The following FBXO11 variants were observed in gnomAD, a reference collection of about 807,000 sequenced individuals.
The protein encoded by FBXO11 is F-box only protein 11.
A neutral mutation model predicts 117.0 loss-of-function variants in FBXO11; 13 were observed. That is an observed-to-expected ratio of 0.11 (90% confidence interval 0.07 to 0.18). FBXO11 has a LOEUF of 0.18. FBXO11 is among the 10% of genes least tolerant of loss of function. The pLI is 1.00. For synonymous variants in FBXO11, 490 were observed against 380.5 expected (o/e 1.29, Z -3.35); for missense variants, 767 against 1,164.4 (o/e 0.66, Z 4.97).
intron 1 of FBXO11, among the ~76,000 whole-genome samples, chr2:47,844,825 A>G (rs980399430): frequency 6.6e-6 from 1 of 152,102 alleles, no homozygotes; most frequent in African/African-American, 2.4e-5. Context: ...CTGTAGAGAC[A>G]TGGTTTTGCC....
chr2:47,904,028 C>G (rs1483522737), intron 1 of FBXO11, among the ~76,000 whole-genome samples: 1 of 152,238 alleles, frequency 6.6e-6, no homozygotes, highest in Non-Finnish European at 1.5e-5. Flanking sequence ...ACTGCTTTCT[C>G]TAAGACTACC....
chr2:47,849,955 G>C (rs891867512), intron 1 of FBXO11, among the ~76,000 whole-genome samples: 4 of 152,168 alleles, frequency 2.6e-5, no homozygotes, highest in Non-Finnish European at 5.9e-5. Flanking sequence ...AAAAAGAACA[G>C]TAATGTGTTC....
chr2:47,883,451 CA>C (rs1676584209), intron 1 of FBXO11: 3 of 402,466 alleles, frequency 7.5e-6, no homozygotes, highest in African/African-American at 2.0e-5. Flanking sequence ...GAGCCGCCAC[CA>C]AAATGCAGAT....
At chr2:47,850,191 A>C (rs1673750391) in intron 1 of FBXO11, among the ~76,000 whole-genome samples, 1 of 152,194 alleles carries the variant, frequency 6.6e-6, no homozygotes, top group Admixed American at 6.5e-5. Flanking sequence ...GTTGGAACCA[A>C]ATTAATACTG....
intron 1 of FBXO11, among the ~76,000 whole-genome samples, chr2:47,861,318 C>CTTT (rs869265850): frequency 3.0e-5 from 4 of 132,626 alleles, no homozygotes; most frequent in Non-Finnish European, 3.3e-5. Context: ...ATAGTCTGAC[C>CTTT]TTTTTTTTTT....
At chr2:47,849,972 T>G (rs1673732071) in intron 1 of FBXO11, among the ~76,000 whole-genome samples, 1 of 152,220 alleles carries the variant, frequency 6.6e-6, no homozygotes, top group Non-Finnish European at 1.5e-5. Flanking sequence ...GTTCTGATTT[T>G]GGTTTTAGGA....
chr2:47,902,704 CAT>C (rs1678388972), intron 1 of FBXO11, among the ~76,000 whole-genome samples: 1 of 152,050 alleles, frequency 6.6e-6, no homozygotes, highest in Admixed American at 6.6e-5. Flanking sequence ...TGCCTGAAAA[CAT>C]ATTATACTGT....
intron 19 of FBXO11, 73 bp from the exon 20 acceptor site, chr2:47,809,780 A>T: frequency 1.1e-6 from 1 of 915,922 alleles, no homozygotes; most frequent in South Asian, 1.4e-5. Flanking sequence ...TTAGCAAGCA[A>T]ATGTAAACTG....
chr2:47,862,079 A>AT (rs751015356), intron 1 of FBXO11, among the ~76,000 whole-genome samples: 1 of 151,652 alleles, frequency 6.6e-6, no homozygotes, highest in African/African-American at 2.4e-5. Context: ...TGCCTGGCTA[A>AT]TTTTTTTTAT....
chr2:47,847,722 A>C (rs1673527782), intron 1 of FBXO11, among the ~76,000 whole-genome samples: 1 of 151,834 alleles, frequency 6.6e-6, no homozygotes, highest in African/African-American at 2.4e-5. Context: ...AAATAAACAA[A>C]ATATGGTATC....
intron 1 of FBXO11, among the ~76,000 whole-genome samples, chr2:47,884,838 C>T (rs1055197040): frequency 6.6e-6 from 1 of 152,178 alleles, no homozygotes; most frequent in African/African-American, 2.4e-5. Flanking sequence ...CAATTACTAA[C>T]TCTTGTGAAT....
chr2:47,888,494 G>A (rs189730130), intron 1 of FBXO11: 1 of 161,058 alleles, frequency 6.2e-6, no homozygotes. Flanking sequence ...TTTACCAGAT[G>A]TTCTTTATGT....
intron 1 of FBXO11, among the ~76,000 whole-genome samples, chr2:47,894,225 A>T (rs568716810): frequency 5.1e-4 from 77 of 151,926 alleles, no homozygotes; most frequent in African/African-American, 1.7e-3. Context: ...CAGGAACGGA[A>T]AGGTCCAGTC....
chr2:47,883,045 G>A (rs958834899), intron 1 of FBXO11, among the ~76,000 whole-genome samples: 1 of 152,026 alleles, frequency 6.6e-6, no homozygotes, highest in Non-Finnish European at 1.5e-5. Flanking sequence ...TACCATTCCT[G>A]CTTTGTAATC....
In FBXO11 at chr2:47,822,258, A is replaced by G. The variant is rs371424073; in HGVS notation, c.1662T>C (p.Phe554=). The change falls in exon 13 of 23, where the codon TTT becomes TTC. Residue 554 remains phenylalanine (F), a synonymous_variant. Coordinates refer to ENST00000403359, the MANE Select transcript of FBXO11 (RefSeq NM_001190274.2). ...FNGNQGGVYI[F]GDGRGLIEGN... is the part of the protein sequence containing the mutation. ...CTTCAATAAGGCCTCGTCCATCACC[A>G]AAGATGTAAACTCCTCCTTGATTTC... 1.9e-6 allele frequency: 3 copies of G among 1,601,932 alleles called. No individual in the cohort carries two copies. Among genetic ancestry groups the G allele is most frequent in the African/African-American group, 2.7e-5 (2 of 74,236 alleles).
At chr2:47,840,189 C>T (rs1426365532) in intron 1 of FBXO11, among the ~76,000 whole-genome samples, 5 of 151,904 alleles carry the variant, frequency 3.3e-5, no homozygotes, top group Non-Finnish European at 7.4e-5. Context: ...GTGATCCACT[C>T]ACCTCGGCCT....
intron 11 of FBXO11, among the ~76,000 whole-genome samples, chr2:47,825,571 C>CTTTTTTT (rs751404253): frequency 1.9e-4 from 17 of 88,292 alleles, no homozygotes; most frequent in South Asian, 7.4e-4. Context: ...TCTTCTTCTT[C>CTTTTTTT]TTTTTTTTTT....
intron 1 of FBXO11, among the ~76,000 whole-genome samples, chr2:47,861,549 T>C (rs558776974): frequency 8.7e-4 from 133 of 152,258 alleles, no homozygotes; most frequent in Non-Finnish European, 1.3e-3. Flanking sequence ...CTTGAATTTC[T>C]GGGCTCAAGC....
At chr2:47,808,661 TC>T (rs1670394473) in intron 21 of FBXO11, 1 of 416,986 alleles carries the variant, frequency 2.4e-6, no homozygotes, top group Non-Finnish European at 4.2e-6. Flanking sequence ...GGCAGTTCTT[TC>T]CACTTTAAAA....
Sources: allele counts gnomAD v4.1 joint callset (sites outside exome capture counted in the v4.1 genomes callset), GRCh38; gene constraint gnomAD v4.1.1; transcripts MANE v1.5; gene names NCBI Gene and HGNC (gene_info 2026-07-23, HGNC 2026-07-21).